Variants in SHC3 observed in about 807,000 individuals in gnomAD.
SHC3 encodes the protein SHC adaptor protein 3, also known as SHC-transforming protein 3.
A neutral mutation model predicts 60.4 loss-of-function variants in SHC3; 15 were observed. The ratio of observed to expected loss-of-function variants is 0.25; its 90% CI spans 0.17 to 0.38. The LOEUF (loss-of-function observed/expected upper bound fraction) is 0.38. Among genes scored for constraint, SHC3 ranks in the 10% least tolerant of loss-of-function variants. The probability of loss-of-function intolerance (pLI) is 1.00; values close to 1 mark genes in which losing one functional copy is unlikely to be tolerated. For synonymous variants in SHC3, 294 were observed against 325.9 expected (o/e 0.90, Z 1.05); for missense variants, 677 against 786.1 (o/e 0.86, Z 1.66).
At chr9:89,040,165 T>TCACCATCAGCAC in intron 10 of SHC3, among the ~76,000 whole-genome samples, 1 of 15,736 alleles carries the variant, frequency 6.4e-5, no homozygotes. Context: ...ATCATCACCA[T>TCACCATCAGCAC]CATCATCACT....
chr9:89,173,663 G>A (rs987677476), intron 1 of SHC3, among the ~76,000 whole-genome samples: 8 of 151,996 alleles, frequency 5.3e-5, no homozygotes, highest in African/African-American at 1.9e-4. Context: ...TTGTGTGTGT[G>A]CAGTGTCTGT....
At chr9:89,108,106 A>G (rs533372277) in intron 2 of SHC3, among the ~76,000 whole-genome samples, 3 of 152,344 alleles carry the variant, frequency 2.0e-5, no homozygotes, top group South Asian at 4.1e-4. Flanking sequence ...TTTGTAGCCT[A>G]GGAGCAATAG....
chr9:89,043,304 T>C (rs1264477449), intron 9 of SHC3, among the ~76,000 whole-genome samples: 1 of 152,216 alleles, frequency 6.6e-6, no homozygotes, highest in Non-Finnish European at 1.5e-5. Context: ...ATGGACTGTG[T>C]TTCTACTCTC....
At chr9:89,157,373 C>T (rs1355000730) in intron 1 of SHC3, among the ~76,000 whole-genome samples, 2 of 152,236 alleles carry the variant, frequency 1.3e-5, no homozygotes, top group African/African-American at 2.4e-5. Flanking sequence ...GTTCTCACAG[C>T]TAGAAGCCTT....
At chr9:89,079,584 T>C (rs1336722221) in intron 2 of SHC3, among the ~76,000 whole-genome samples, 1 of 152,186 alleles carries the variant, frequency 6.6e-6, no homozygotes, top group Non-Finnish European at 1.5e-5. Context: ...AAAAGACACA[T>C]AGTATCAAAT....
chr9:89,016,171 A>T (rs2118636176), intron 11 of SHC3, among the ~76,000 whole-genome samples: 1 of 152,222 alleles, frequency 6.6e-6, no homozygotes, highest in East Asian at 1.9e-4. Flanking sequence ...GGCTAAGAAA[A>T]AAAGATTATA....
chr9:89,178,771 C>T lies in SHC3; in HGVS notation c.-311G>A. 1 of 278,410 alleles carries T rather than the reference C, an allele frequency of 3.6e-6. No individual in the cohort carries two copies. Among genetic ancestry groups the T allele is most frequent in the Non-Finnish European group, 6.7e-6 (1 of 149,266 alleles). The allele number at this position is 278,410 out of a possible 1,614,324, so 17.2% of individuals were successfully genotyped here. On this transcript the variant is annotated 5_prime_UTR_variant, in exon 1 of 12. Transcript: ENST00000375835. This position sits in a 1 kb window ranked among gnomAD's most constrained non-coding sequence, Gnocchi z 6.9. ...GGGGCTGCTCACAGCAAAAGCATGA[C>T]TCACTCTGAGAGGAGACCCTTCTCA...
chr9:89,026,497 G>A (rs1168937518), intron 11 of SHC3, among the ~76,000 whole-genome samples: 5 of 151,962 alleles, frequency 3.3e-5, no homozygotes, highest in African/African-American at 7.3e-5. Context: ...ACATTGTCCC[G>A]CCTTTCTAGA....
chr9:89,108,918 A>C (rs1021758562), intron 2 of SHC3: 8 of 425,996 alleles, frequency 1.9e-5, no homozygotes, highest in Non-Finnish European at 2.5e-5. Context: ...AAATCTGAAC[A>C]AAAAATATTC....
At position 89,035,857 on chromosome 9, in the gene SHC3, GTGT is replaced by G. The variant is rs1255105599; in HGVS notation, c.1656+2133_1656+2135del. Among the ~76,000 whole-genome samples the G allele has an allele frequency of 4.0e-3, 443 of 110,812 alleles. 3 individuals are homozygous for G. Among genetic ancestry groups the G allele is most frequent in the African/African-American group, 0.015 (420 of 28,152 alleles). 72.7% of individuals were successfully genotyped at this position (110,812 alleles called of 152,430 possible). On this transcript the variant is annotated intron_variant, in intron 11 of 11. Coordinates refer to ENST00000375835, the MANE Select transcript of SHC3 (RefSeq NM_016848.6). ...TATATATATATATATATAGATGTGTGTGTGTGTGTGTGTGTGTGTGTGTGTGTG... is the reference window on the plus strand; with the variant it reads ...TATATATATATATATATAGATGTGTGGTGTGTGTGTGTGTGTGTGTGTGTG...
chr9:89,016,627 C>A (rs1220738254), intron 11 of SHC3, among the ~76,000 whole-genome samples: 3 of 152,166 alleles, frequency 2.0e-5, no homozygotes, highest in Non-Finnish European at 4.4e-5. Context: ...TCCCTACAAT[C>A]TTTCTCAGAA....
chr9:89,069,484 GA>G (rs1284940719), intron 5 of SHC3, among the ~76,000 whole-genome samples: 7 of 152,206 alleles, frequency 4.6e-5, no homozygotes, highest in Admixed American at 4.6e-4. Flanking sequence ...CAAGAAGATC[GA>G]AAGTATGAAA....
chr9:89,043,658 T>A (rs1470745972), intron 9 of SHC3, among the ~76,000 whole-genome samples: 3 of 151,732 alleles, frequency 2.0e-5, no homozygotes, highest in Non-Finnish European at 1.5e-5. Context: ...ATTTATTTTT[T>A]TTTTTTTTTT....
chr9:89,167,754 A>G (rs375484328), intron 1 of SHC3, among the ~76,000 whole-genome samples: 1 of 152,254 alleles, frequency 6.6e-6, no homozygotes, highest in Non-Finnish European at 1.5e-5. Flanking sequence ...AATCACATCT[A>G]TAAATTATTA....
chr9:89,088,223 C>T (rs1173888388), intron 2 of SHC3, among the ~76,000 whole-genome samples: 1 of 152,128 alleles, frequency 6.6e-6, no homozygotes, highest in Non-Finnish European at 1.5e-5. Context: ...CATTTGATTC[C>T]AGGTCTTTAG....
At chr9:89,138,528 CT>C (rs1248580395) in intron 1 of SHC3, among the ~76,000 whole-genome samples, 1 of 152,214 alleles carries the variant, frequency 6.6e-6, no homozygotes, top group Non-Finnish European at 1.5e-5. Context: ...ATTTAACCAG[CT>C]TCTTGACTGC....
At chr9:89,121,219 T>C (rs946886105) in intron 1 of SHC3, among the ~76,000 whole-genome samples, 2 of 152,066 alleles carry the variant, frequency 1.3e-5, no homozygotes, top group Non-Finnish European at 2.9e-5. Flanking sequence ...TTACCACATA[T>C]GCACTCACCC....
At chr9:89,142,230 C>A (rs1310282959) in intron 1 of SHC3, among the ~76,000 whole-genome samples, 1 of 152,198 alleles carries the variant, frequency 6.6e-6, no homozygotes, top group African/African-American at 2.4e-5. Flanking sequence ...GGGCCTTGAA[C>A]CCAAGTTCAG....
chr9:89,039,923 G>A (rs1238442333), intron 10 of SHC3, among the ~76,000 whole-genome samples: 2 of 149,386 alleles, frequency 1.3e-5, no homozygotes, highest in Non-Finnish European at 3.0e-5. Flanking sequence ...GTCACCAGCA[G>A]CAACAGGAGC....
Sources: allele counts gnomAD v4.1 joint callset (sites outside exome capture counted in the v4.1 genomes callset), GRCh38; gene constraint gnomAD v4.1.1; non-coding constraint Gnocchi (gnomAD v3.1); transcripts MANE v1.5; gene names NCBI Gene and HGNC (gene_info 2026-07-23, HGNC 2026-07-21).